HMGB1: variants seen among roughly 807,000 people sequenced by gnomAD.
HMGB1 encodes high mobility group protein B1.
For missense variants in HMGB1, 79 were observed against 253.5 expected (o/e 0.31, Z 4.67); for synonymous variants, 81 against 84.0 (o/e 0.96, Z 0.19).
chr13:30,521,319 G>T (rs1888233632), intron 1 of HMGB1, among the ~76,000 whole-genome samples: 1 of 152,094 alleles, frequency 6.6e-6, no homozygotes, highest in African/African-American at 2.4e-5. Context: ...ATCAATTTTA[G>T]TACAATTTCA....
Position 30,499,506 on chromosome 13 carries a change from A to G in HMGB1, c.-14-35812T>C, listed in dbSNP as rs1201576080. Among the ~76,000 whole-genome samples, 3 of 152,092 alleles carry G rather than the reference A, an allele frequency of 2.0e-5. No individual in the cohort carries two copies. In the East Asian group the frequency reaches 5.8e-4, roughly 29 times the overall value. Reference sequence around the variant, plus strand: ...CCGTTTCTCTTTTTTCTTGTTTCAAACTGAGTTTCTCTTTGTATCAGGCAG... The same window carrying G: ...CCGTTTCTCTTTTTTCTTGTTTCAAGCTGAGTTTCTCTTTGTATCAGGCAG... On this transcript the variant is annotated intron_variant, in intron 1 of 4. Transcript: ENST00000405805.
intron 1 of HMGB1, among the ~76,000 whole-genome samples, chr13:30,531,564 C>A (rs192780855): frequency 3.1e-4 from 40 of 129,980 alleles, no homozygotes; most frequent in Admixed American, 6.2e-4. Context: ...GTGTTTTCAG[C>A]GAAATTTTTT....
intron 1 of HMGB1, among the ~76,000 whole-genome samples, chr13:30,508,093 T>G (rs1887909242): frequency 6.6e-6 from 1 of 152,094 alleles, no homozygotes; most frequent in Admixed American, 6.5e-5. Context: ...GGATGAAAAA[T>G]TAAAAACTGA....
intron 1 of HMGB1, among the ~76,000 whole-genome samples, chr13:30,485,937 G>A (rs1412984443): frequency 1.3e-5 from 2 of 152,158 alleles, no homozygotes; most frequent in South Asian, 2.1e-4. Context: ...GAGAAAGTCA[G>A]TGCCTTGCCC....
At chr13:30,485,944 G>T (rs182886363) in intron 1 of HMGB1, among the ~76,000 whole-genome samples, 149 of 152,272 alleles carry the variant, frequency 9.8e-4, no homozygotes, top group African/African-American at 3.4e-3. Flanking sequence ...TCAGTGCCTT[G>T]CCCGGGGCCA....
Position 30,464,709 on chromosome 13 carries a change from G to GCGC in HMGB1, c.-14-1018_-14-1016dup, listed in dbSNP as rs201189183. The stretch of plus-strand genomic sequence containing the variant: ...TGGCCGCTGCGCGTCTTCTCCGCCT[G>GCGC]CGCCGCCGCCGCCGCGAGGGCGAGC... On this transcript the variant is annotated intron_variant, in intron 1 of 4. Transcript: ENST00000341423. 1,235 of 743,366 alleles carry GCGC rather than the reference G, an allele frequency of 1.7e-3. 10 individuals are homozygous for GCGC. The highest frequency in any genetic ancestry group is 1.9e-3 in the Non-Finnish European group (1,131 of 610,276). The allele number at this position is 743,366 out of a possible 1,614,324, so 46.0% of individuals were successfully genotyped here.
At chr13:30,582,292 T>C (rs988804013) in intron 1 of HMGB1, among the ~76,000 whole-genome samples, 7 of 152,234 alleles carry the variant, frequency 4.6e-5, no homozygotes, top group Non-Finnish European at 1.0e-4. Flanking sequence ...TATTTAAAAA[T>C]ACATTATTTT....
intron 1 of HMGB1, chr13:30,553,908 C>T (rs756764281): frequency 3.1e-4 from 429 of 1,394,170 alleles, no homozygotes; most frequent in Non-Finnish European, 4.1e-4. Flanking sequence ...AGAAGAGGCA[C>T]GAAGGAGTTA....
rs144896057 is a variant in HMGB1 at position 30,615,194 on chromosome 13, G to T, written c.-15+1477C>A. Among the ~76,000 whole-genome samples the T allele has an allele frequency of 4.6e-3, 695 of 152,182 alleles. 5 individuals are homozygous for T. Among genetic ancestry groups the T allele is most frequent in the African/African-American group, 0.015 (619 of 41,518 alleles). ...ATGACAGACACACAATATGATACAC[G>T]TATTTTTTTCTATCCTAACACATCT... On this transcript the variant is annotated intron_variant, in intron 1 of 4. Coordinates refer to the HMGB1 transcript ENST00000405805.
At chr13:30,485,512 G>C (rs943765977) in intron 1 of HMGB1, among the ~76,000 whole-genome samples, 8 of 140,176 alleles carry the variant, frequency 5.7e-5, no homozygotes, top group African/African-American at 1.7e-4. Flanking sequence ...CCAGTGTCCT[G>C]CCTTGAGTAC....
intron 1 of HMGB1, among the ~76,000 whole-genome samples, chr13:30,493,409 C>A (rs146457761): frequency 6.6e-6 from 1 of 152,042 alleles, no homozygotes; most frequent in Non-Finnish European, 1.5e-5. Context: ...AGTTGTTTTC[C>A]GGGGCAGACA....
At chr13:30,543,127 T>C (rs1018119164) in intron 1 of HMGB1, 1 of 147,026 alleles carries the variant, frequency 6.8e-6, no homozygotes, top group African/African-American at 2.6e-5. Context: ...GTTTTTTTTT[T>C]TTTTTTTTTT....
chr13:30,464,625 G>A, intron 1 of HMGB1: 2 of 984,050 alleles, frequency 2.0e-6, no homozygotes, highest in African/African-American at 1.8e-5. Flanking sequence ...GCAGGGAGAA[G>A]CCCCGCTCGA....
At chr13:30,580,003 T>C (rs1395535218) in intron 1 of HMGB1, among the ~76,000 whole-genome samples, 1 of 152,174 alleles carries the variant, frequency 6.6e-6, no homozygotes, top group Non-Finnish European at 1.5e-5. Flanking sequence ...CAAGTGAATA[T>C]ACAATCTTAC....
At chr13:30,539,117 C>G (rs573804796) in intron 1 of HMGB1, among the ~76,000 whole-genome samples, 99 of 152,226 alleles carry the variant, frequency 6.5e-4, no homozygotes, top group African/African-American at 2.3e-3. Flanking sequence ...GGATGGTCTC[C>G]AATTCCTGAC....
intron 1 of HMGB1, among the ~76,000 whole-genome samples, chr13:30,594,673 G>A (rs778569233): frequency 6.6e-6 from 1 of 152,086 alleles, no homozygotes; most frequent in Non-Finnish European, 1.5e-5. Context: ...TATTGTGAAC[G>A]GTGCTGCAAT....
intron 1 of HMGB1, among the ~76,000 whole-genome samples, chr13:30,586,713 G>A (rs967538800): frequency 6.6e-5 from 10 of 151,918 alleles, no homozygotes; most frequent in African/African-American, 2.4e-4. Flanking sequence ...TTAAACTCCT[G>A]ACCTCAGGTG....
intron 1 of HMGB1, among the ~76,000 whole-genome samples, chr13:30,524,504 A>G (rs1369746778): frequency 6.6e-6 from 1 of 151,774 alleles, no homozygotes; most frequent in African/African-American, 2.4e-5. Flanking sequence ...GCGGCAGGAG[A>G]GGGAATGAAT....
At chr13:30,472,067 C>T (rs1886957708) in intron 1 of HMGB1, among the ~76,000 whole-genome samples, 1 of 151,934 alleles carries the variant, frequency 6.6e-6, no homozygotes, top group Admixed American at 6.6e-5. Context: ...CACTTGAGGC[C>T]AGGAGTTCAA....
Sources: gnomAD v4.1 joint callset for allele counts (sites outside exome capture counted in the v4.1 genomes callset) on GRCh38, gnomAD v4.1.1 for gene constraint, MANE v1.5 for transcripts, NCBI Gene and HGNC (gene_info 2026-07-23, HGNC 2026-07-21) for gene names.